The following IL1RL1 variants were observed in gnomAD, a reference collection of about 807,000 sequenced individuals.
IL1RL1 encodes interleukin 1 receptor like 1, also known as interleukin-1 receptor-like 1.
In IL1RL1, 32 loss-of-function variants were observed where a neutral mutation model predicts 50.9. The observed-to-expected ratio is 0.63, with a 90% confidence interval of 0.47 to 0.84. The LOEUF (loss-of-function observed/expected upper bound fraction) is 0.84, where lower values mean the gene tolerates loss of function less well. Ranked by LOEUF, IL1RL1 falls within the 40% of genes least tolerant of loss-of-function variation. The pLI, the probability that IL1RL1 is intolerant of heterozygous loss-of-function variation, is 0.00. For missense variants in IL1RL1, 773 were observed against 662.9 expected (o/e 1.17, Z -1.82); for synonymous variants, 275 against 236.0 (o/e 1.17, Z -1.51).
chr2:102,347,855 T>C (rs2104999002), intron 8 of IL1RL1, 90 bp from the exon 9 acceptor site: 1 of 727,392 alleles, frequency 1.4e-6, no homozygotes, highest in South Asian at 1.8e-5. Context: ...TGTGAAATTC[T>C]TGTACTCCCA....
chr2:102,346,394 C>T (rs1012376539), intron 8 of IL1RL1, among the ~76,000 whole-genome samples: 3 of 152,180 alleles, frequency 2.0e-5, no homozygotes, highest in Non-Finnish European at 4.4e-5. Flanking sequence ...CAAACACAGC[C>T]AGCATTTTCC....
intron 1 of IL1RL1, among the ~76,000 whole-genome samples, chr2:102,312,337 G>A (rs947115617): frequency 2.0e-5 from 3 of 150,618 alleles, no homozygotes; most frequent in Non-Finnish European, 2.9e-5. Flanking sequence ...TTGCTTGTGA[G>A]AAAAGTAGTA....
intron 5 of IL1RL1, 114 bp downstream of exon 5, chr2:102,340,942 C>T (rs1389870944): frequency 3.8e-6 from 3 of 794,910 alleles, no homozygotes; most frequent in African/African-American, 3.7e-5. Flanking sequence ...TTACTTCCTC[C>T]TGCTCCATCT....
intron 1 of IL1RL1, among the ~76,000 whole-genome samples, chr2:102,312,717 G>A (rs1676553895): frequency 6.6e-6 from 1 of 152,088 alleles, no homozygotes; most frequent in Non-Finnish European, 1.5e-5. Context: ...CATTGTTTCT[G>A]GAGGGGTGGG....
chr2:102,323,460 AT>A, intron 1 of IL1RL1, among the ~76,000 whole-genome samples: 1 of 152,226 alleles, frequency 6.6e-6, no homozygotes, highest in Non-Finnish European at 1.5e-5. Context: ...TATTTGGCTC[AT>A]GATTTTAATG....
In IL1RL1 at chr2:102,348,974, T is replaced by C. The variant is rs1677858935; in HGVS notation, c.1118-105T>C. On this transcript the variant is annotated intron_variant, in intron 9 of 10. Coordinates refer to ENST00000233954, the MANE Select transcript of IL1RL1 (RefSeq NM_016232.5). ...GTCTAGAATATTTTGGAGGATGACA[T>C]ACATTCACCAACAGCCATAAAACTT... is the stretch of plus-strand genomic sequence containing the variant. 1.0e-5 allele frequency: 8 copies of C among 799,260 alleles called. No individual in the cohort carries two copies. The South Asian group carries it at 1.3e-4, about 13-fold the overall frequency. 49.5% of individuals were successfully genotyped at this position (799,260 alleles called of 1,614,324 possible).
intron 1 of IL1RL1, among the ~76,000 whole-genome samples, chr2:102,333,445 A>G (rs1454329942): frequency 6.6e-6 from 1 of 152,212 alleles, no homozygotes; most frequent in Non-Finnish European, 1.5e-5. Context: ...AGTTGTCATC[A>G]TTACAATTAG....
intron 2 of IL1RL1, 50 bp from the exon 3 acceptor site, chr2:102,338,786 GA>G: frequency 1.5e-6 from 2 of 1,362,524 alleles, no homozygotes; most frequent in Non-Finnish European, 2.1e-6. Context: ...TAAGAATTAT[GA>G]TCTTTTCATT....
chr2:102,311,980 A>T (rs13401541), intron 1 of IL1RL1, among the ~76,000 whole-genome samples: 4 of 36,590 alleles, frequency 1.1e-4, no homozygotes, highest in African/African-American at 6.0e-4. Flanking sequence ...TATTATATAT[A>T]ATATATATTA....
chr2:102,338,937 C>G lies in IL1RL1; in HGVS notation c.162C>G (p.Asn54Lys). Residue 54 changes from asparagine (N) to lysine (K), a missense_variant, in exon 3 of 11, where the codon AAC becomes AAG. By Grantham distance (94) the Asn-to-Lys change is moderately conservative (BLOSUM62 0). Transcript: ENST00000233954. ...TGGATTGGTATTACTCACAAACAAACAAAAGTATTCCCACTCAGGAAAGAA... is the reference window on the plus strand; with the variant it reads ...TGGATTGGTATTACTCACAAACAAAGAAAAGTATTCCCACTCAGGAAAGAA... ...YTVDWYYSQT[N>K]KSIPTQERNR... 1 of 1,613,848 alleles carries G rather than the reference C, an allele frequency of 6.2e-7. No homozygotes were observed.
intron 1 of IL1RL1, among the ~76,000 whole-genome samples, chr2:102,322,750 C>A (rs1320735450): frequency 6.6e-6 from 1 of 152,134 alleles, no homozygotes; most frequent in Non-Finnish European, 1.5e-5. Context: ...TCCATATCAC[C>A]ATCCCAACAG....
intron 1 of IL1RL1, among the ~76,000 whole-genome samples, chr2:102,312,014 A>T (rs1256223179): frequency 6.4e-5 from 1 of 15,706 alleles, no homozygotes; most frequent in Non-Finnish European, 1.1e-4. Context: ...TATATATATT[A>T]TATATAATAT....
At chr2:102,319,802 C>T (rs1161061501) in intron 1 of IL1RL1, among the ~76,000 whole-genome samples, 1 of 152,178 alleles carries the variant, frequency 6.6e-6, no homozygotes, top group Non-Finnish European at 1.5e-5. Flanking sequence ...GATCCTCTTG[C>T]CTCAGCCTCC....
chr2:102,320,309 G>T (rs1676800508), intron 1 of IL1RL1, among the ~76,000 whole-genome samples: 1 of 152,116 alleles, frequency 6.6e-6, no homozygotes, highest in African/African-American at 2.4e-5. Context: ...TGTATGCAGA[G>T]ATCCAAATTC....
Position 102,338,835 on chromosome 2 carries a change from A to C in IL1RL1, c.62-2A>C, listed in dbSNP as rs767263696. ...GATTGTCTTTATATCTTTTATTTGC[A>C]GGTAAACAATCATGGGGCCTGGAAA... is the stretch of plus-strand genomic sequence containing the variant. On this transcript the variant is annotated splice_acceptor_variant, in intron 2 of 10. Transcript: ENST00000233954. LOFTEE classifies it high-confidence loss of function. 12 of 1,601,748 alleles carry C rather than the reference A, an allele frequency of 7.5e-6. No individual in the cohort carries two copies. Among genetic ancestry groups the C allele is most frequent in the Non-Finnish European group, 1.0e-5 (12 of 1,169,344 alleles).
chr2:102,334,079 T>C (rs1291550502), intron 1 of IL1RL1, among the ~76,000 whole-genome samples: 2 of 152,194 alleles, frequency 1.3e-5, no homozygotes, highest in Non-Finnish European at 2.9e-5. Flanking sequence ...TTTTATACAC[T>C]AATTTCTTTT....
At chr2:102,313,113 G>C (rs1676567769) in intron 1 of IL1RL1, 1 of 152,124 alleles carries the variant, frequency 6.6e-6, no homozygotes, top group Non-Finnish European at 1.5e-5. Context: ...ACACTTACTT[G>C]TTGCATGACC....
At chr2:102,312,467 G>A (rs181421761) in intron 1 of IL1RL1, among the ~76,000 whole-genome samples, 2 of 152,038 alleles carry the variant, frequency 1.3e-5, no homozygotes, top group East Asian at 1.9e-4. Flanking sequence ...AAGGATGGGA[G>A]CTTTATAGTA....
chr2:102,340,935 C>A (rs1353507749), intron 5 of IL1RL1, 107 bp downstream of exon 5: 3 of 823,874 alleles, frequency 3.6e-6, no homozygotes, highest in Non-Finnish European at 5.5e-6. Flanking sequence ...CCTCCCTTTA[C>A]TTCCTCCTGC....
Sources: allele counts gnomAD v4.1 joint callset (sites outside exome capture counted in the v4.1 genomes callset), GRCh38; gene constraint gnomAD v4.1.1; transcripts MANE v1.5; gene names NCBI Gene and HGNC (gene_info 2026-07-23, HGNC 2026-07-21).